Variants in SPAST observed in about 807,000 individuals in gnomAD.
SPAST encodes the protein spastin.
Under a neutral mutation model 76.6 loss-of-function variants are expected in SPAST, and 30 were observed. That is an observed-to-expected ratio of 0.39 (90% CI 0.29 to 0.53). The LOEUF is 0.53. SPAST is among the 20% of genes least tolerant of loss of function. The probability of loss-of-function intolerance (pLI) is 0.68; values close to 1 mark genes in which losing one functional copy is unlikely to be tolerated. For synonymous variants in SPAST, 305 were observed against 281.0 expected (o/e 1.09, Z -0.86); for missense variants, 717 against 770.5 (o/e 0.93, Z 0.82).
In SPAST at chr2:32,105,943, C is replaced by T. The variant is rs374675162; in HGVS notation, c.682+7052C>T. ...TTGAGGAGGCAGTCTGTCCGTTCGCCGATCTCAAACTCCATGCTGGGAGAA... is the reference window on the plus strand; with the variant it reads ...TTGAGGAGGCAGTCTGTCCGTTCGCTGATCTCAAACTCCATGCTGGGAGAA... On this transcript the variant is annotated intron_variant, in intron 4 of 16. Transcript: ENST00000315285. 3.9e-5 allele frequency among the ~76,000 whole-genome samples: 6 copies of T among 152,222 alleles called. No individual in the cohort carries two copies. In the East Asian group the frequency reaches 7.8e-4, roughly 20 times the overall value.
At chr2:32,109,160 G>A (rs912862585) in intron 4 of SPAST, among the ~76,000 whole-genome samples, 4 of 151,990 alleles carry the variant, frequency 2.6e-5, no homozygotes, top group Non-Finnish European at 4.4e-5. Context: ...CCAGGCTGGA[G>A]TGCAGTGGCA....
chr2:32,088,114 C>T (rs1677566273), intron 2 of SPAST, among the ~76,000 whole-genome samples: 1 of 151,968 alleles, frequency 6.6e-6, no homozygotes, highest in Non-Finnish European at 1.5e-5. Flanking sequence ...TTTCGAACTC[C>T]TGATCTCAAG....
intron 1 of SPAST, among the ~76,000 whole-genome samples, chr2:32,083,774 A>ATTTTTTTTTTTTTT (rs1333329179): frequency 5.5e-5 from 3 of 54,390 alleles, no homozygotes; most frequent in East Asian, 7.3e-4. Context: ...ATATATATAT[A>ATTTTTTTTTTTTTT]TATTTTTTTT....
chr2:32,083,778 T>TA (rs1240909981), intron 1 of SPAST, among the ~76,000 whole-genome samples: 22 of 89,188 alleles, frequency 2.5e-4, no homozygotes, highest in Middle Eastern at 6.0e-3. Flanking sequence ...ATATATATAT[T>TA]TTTTTTTTTT....
chr2:32,132,519 A>G (rs13425083), intron 9 of SPAST, among the ~76,000 whole-genome samples: 16,898 of 145,628 alleles, frequency 0.12, 1,183 homozygotes, highest in Middle Eastern at 0.19. Context: ...TTGATTTAAC[A>G]AAACTCAATC....
At chr2:32,144,227 A>T (rs757671247) in intron 14 of SPAST, among the ~76,000 whole-genome samples, 1 of 152,230 alleles carries the variant, frequency 6.6e-6, no homozygotes, top group Non-Finnish European at 1.5e-5. Context: ...CTTTCTGTCT[A>T]TCCCCTTATT....
chr2:32,070,401 G>A (rs1182225123), intron 1 of SPAST, among the ~76,000 whole-genome samples: 1 of 152,060 alleles, frequency 6.6e-6, no homozygotes, highest in South Asian at 2.1e-4. Context: ...TTTCATAAAG[G>A]CCTTAATTTA....
intron 8 of SPAST, 53 bp downstream of exon 8, chr2:32,127,075 G>GA (rs1327466439): frequency 8.4e-7 from 1 of 1,188,346 alleles, no homozygotes; most frequent in Admixed American, 1.7e-5. Context: ...GGGATAATAT[G>GA]AAAAAAAGAA....
chr2:32,134,475 A>T (rs893747110), intron 9 of SPAST, among the ~76,000 whole-genome samples: 34 of 148,324 alleles, frequency 2.3e-4, no homozygotes, highest in East Asian at 2.3e-3. Context: ...AAAAAAAAAA[A>T]TTTTTTTTTG....
chr2:32,064,281 CGGGAAGAAGGCGGTGGGGTCG>C, intron 1 of SPAST, 35 bp downstream of exon 1: 1 of 325,576 alleles, frequency 3.1e-6, no homozygotes, highest in Non-Finnish European at 4.7e-6. Context: ...GCGGCGGCGC[CGGGAAGAAGGCGGTGGGGTCG>C]CCGGGGGAGG....
chr2:32,110,910 A>G, intron 4 of SPAST, among the ~76,000 whole-genome samples: 1 of 76,974 alleles, frequency 1.3e-5, no homozygotes, highest in Non-Finnish European at 2.4e-5. Context: ...AGTATACTAT[A>G]TCGTGTGTAT....
intron 4 of SPAST, among the ~76,000 whole-genome samples, chr2:32,106,469 C>G (rs572858888): frequency 3.0e-4 from 45 of 152,334 alleles, no homozygotes; most frequent in Non-Finnish European, 5.7e-4. Flanking sequence ...CACTGTCTGA[C>G]AATCCCCAGT....
chr2:32,083,776 A>ATATT lies in SPAST; in HGVS notation c.416-3715_416-3714insATTT, dbSNP rs1553398791. Among the ~76,000 whole-genome samples the ATATT allele has an allele frequency of 1.9e-3, 88 of 46,062 alleles. 1 individual carries two copies. The highest frequency in any genetic ancestry group is 2.6e-3 in the Non-Finnish European group (70 of 26,742). 30.2% of individuals were successfully genotyped at this position (46,062 alleles called of 152,430 possible). A position where few individuals can be genotyped will look rare whatever the true frequency, so the allele number is the denominator to read the frequency against. On this transcript the variant is annotated intron_variant, in intron 1 of 16. Coordinates refer to ENST00000315285, the MANE Select transcript of SPAST (RefSeq NM_014946.4). ...TATATATATATATATATATATATAT[A>ATATT]TTTTTTTTTTTTTTTGAGATGAAGT...
At chr2:32,099,061 A>C (rs773531556) in intron 4 of SPAST, among the ~76,000 whole-genome samples, 170 bp downstream of exon 4, 1 of 152,214 alleles carries the variant, frequency 6.6e-6, no homozygotes, top group African/African-American at 2.4e-5. Flanking sequence ...ATAAACATGC[A>C]ACAAGTCAGG....
chr2:32,093,898 A>T (rs965703303), intron 3 of SPAST, among the ~76,000 whole-genome samples: 8 of 152,164 alleles, frequency 5.3e-5, no homozygotes, highest in Non-Finnish European at 1.2e-4. Flanking sequence ...CAGGTTTTAC[A>T]GTTAAGCTTT....
At chr2:32,094,311 C>T (rs1313791514) in intron 3 of SPAST, among the ~76,000 whole-genome samples, 3 of 151,962 alleles carry the variant, frequency 2.0e-5, no homozygotes, top group East Asian at 1.9e-4. Flanking sequence ...CTCTGCCTCC[C>T]GGGTTCAAGC....
intron 1 of SPAST, among the ~76,000 whole-genome samples, chr2:32,080,584 A>G (rs764593553): frequency 7.1e-6 from 1 of 140,510 alleles, no homozygotes; most frequent in Non-Finnish European, 1.6e-5. Flanking sequence ...ATGAGAAACT[A>G]GGGACTGTTG....
rs201212542 is a variant in SPAST, at chr2:32,144,934, C to T, written c.1617-3C>T. On this transcript the variant is annotated splice_region_variant and splice_polypyrimidine_tract_variant and intron_variant, in intron 14 of 16. Transcript: ENST00000315285. ...TTTGCTGTTTCTTCCTTCCCTTCCTCAGAATGACTGATGGATACTCAGGAA... is the reference window on the plus strand; with the variant it reads ...TTTGCTGTTTCTTCCTTCCCTTCCTTAGAATGACTGATGGATACTCAGGAA... 5.9e-5 allele frequency: 95 copies of T among 1,609,778 alleles called. No homozygotes were observed. In the Middle Eastern group the frequency reaches 6.6e-4, roughly 11 times the overall value.
intron 16 of SPAST, among the ~76,000 whole-genome samples, chr2:32,152,896 C>A (rs932542771): frequency 6.6e-6 from 1 of 151,886 alleles, no homozygotes; most frequent in Non-Finnish European, 1.5e-5. Flanking sequence ...TACAGGCGTG[C>A]GCCACCATGC....
Sources: allele counts gnomAD v4.1 joint callset (sites outside exome capture counted in the v4.1 genomes callset), GRCh38; gene constraint gnomAD v4.1.1; transcripts MANE v1.5; gene names NCBI Gene and HGNC (gene_info 2026-07-23, HGNC 2026-07-21).